Variants in PTPRD observed in about 807,000 individuals in gnomAD.
PTPRD encodes receptor-type tyrosine-protein phosphatase delta.
PTPRD carries 34 observed loss-of-function variants against 214.5 expected under a neutral mutation model. That is an observed-to-expected ratio of 0.16 (90% CI 0.12 to 0.21). PTPRD has a LOEUF of 0.21. Among genes scored for constraint, PTPRD ranks in the 10% least tolerant of loss-of-function variants. The pLI is 1.00. For missense variants in PTPRD, 2,545 were observed against 2,398.7 expected, an observed-to-expected ratio of 1.06 and a Z score of -1.27; for synonymous variants, 1,128 against 845.7, an observed-to-expected ratio of 1.33 and a Z score of -5.79.
At chr9:9,529,268 C>T (rs1446534662) in intron 8 of PTPRD, among the ~76,000 whole-genome samples, 1 of 132,874 alleles carries the variant, frequency 7.5e-6, no homozygotes, top group African/African-American at 2.8e-5. Flanking sequence ...CTAAAAACTC[C>T]AAACAAAAAA....
At chr9:9,210,692 G>C (rs1467398736) in intron 9 of PTPRD, among the ~76,000 whole-genome samples, 6 of 151,914 alleles carry the variant, frequency 3.9e-5, no homozygotes, top group African/African-American at 1.5e-4. Context: ...CCACATACAT[G>C]TGCCACATGT....
intron 8 of PTPRD, among the ~76,000 whole-genome samples, chr9:9,492,326 T>TAAA (rs67958740): frequency 0.081 from 10,866 of 134,606 alleles, 488 homozygotes; most frequent in South Asian, 0.13. Context: ...TTACTAAACA[T>TAAA]AAAAAAAAAA....
chr9:10,402,053 G>T (rs2098277810), intron 2 of PTPRD, among the ~76,000 whole-genome samples: 1 of 151,500 alleles, frequency 6.6e-6, no homozygotes, highest in Non-Finnish European at 1.5e-5. Flanking sequence ...TTTAAAATCA[G>T]AGTAAAATGA....
In PTPRD at chr9:9,525,019, G is replaced by A. The variant is rs111344279; in HGVS notation, c.-237+49713C>T. 2.0e-3 allele frequency among the ~76,000 whole-genome samples: 306 copies of A among 152,176 alleles called. 1 individual carries two copies. The highest frequency in any genetic ancestry group is 6.5e-3 in the African/African-American group (271 of 41,518). On this transcript the variant is annotated intron_variant, in intron 8 of 45. Transcript: ENST00000381196. ...ACTACAGGCGCCCGCCACCACGCCC[G>A]GCTAATTTTTTGTATTTTTAGTAGA... is the stretch of plus-strand genomic sequence containing the variant.
intron 8 of PTPRD, among the ~76,000 whole-genome samples, chr9:9,520,165 T>C (rs915444069): frequency 2.6e-5 from 4 of 151,608 alleles, no homozygotes; most frequent in Admixed American, 2.6e-4. Context: ...ACAGGGTTTC[T>C]GTTGAAATGT....
intron 2 of PTPRD, among the ~76,000 whole-genome samples, chr9:10,485,038 TG>T (rs1459424064): frequency 2.0e-5 from 3 of 151,142 alleles, no homozygotes; most frequent in African/African-American, 7.3e-5. Flanking sequence ...ATTTTTTTTT[TG>T]CATATGAAAG....
At chr9:10,029,987 T>C (rs2097023768) in intron 4 of PTPRD, among the ~76,000 whole-genome samples, 1 of 152,104 alleles carries the variant, frequency 6.6e-6, no homozygotes, top group African/African-American at 2.4e-5. Context: ...TGATAGTAAA[T>C]AAGTCTCATA....
intron 2 of PTPRD, among the ~76,000 whole-genome samples, chr9:10,517,162 T>C (rs2050412161): frequency 6.6e-6 from 1 of 152,044 alleles, no homozygotes; most frequent in African/African-American, 2.4e-5. Context: ...TTAGGTAGTA[T>C]AGACATGTAA....
At chr9:9,505,523 C>T (rs978102592) in intron 8 of PTPRD, among the ~76,000 whole-genome samples, 2 of 151,338 alleles carry the variant, frequency 1.3e-5, no homozygotes, top group East Asian at 1.9e-4. Flanking sequence ...GTGTAGCTGT[C>T]ATTATTATTT....
intron 9 of PTPRD, among the ~76,000 whole-genome samples, chr9:9,311,798 T>C (rs964420716): frequency 6.6e-6 from 1 of 152,144 alleles, no homozygotes; most frequent in Non-Finnish European, 1.5e-5. Context: ...CTGAAACCAA[T>C]TGACCTGTAC....
At chr9:8,770,268 A>G (rs777651265) in intron 11 of PTPRD, among the ~76,000 whole-genome samples, 1 of 152,080 alleles carries the variant, frequency 6.6e-6, no homozygotes, top group Non-Finnish European at 1.5e-5. Context: ...TGGATGACAG[A>G]GCTAGATTCC....
chr9:9,206,571 A>G (rs1036801194), intron 9 of PTPRD, among the ~76,000 whole-genome samples: 27 of 152,168 alleles, frequency 1.8e-4, no homozygotes, highest in African/African-American at 6.0e-4. Flanking sequence ...CTCACCCTCA[A>G]TGTGGGTGGG....
intron 14 of PTPRD, among the ~76,000 whole-genome samples, chr9:8,632,178 C>G (rs190246639): frequency 2.0e-5 from 3 of 149,422 alleles, no homozygotes; most frequent in Non-Finnish European, 3.0e-5. Flanking sequence ...GTTTCAAAAC[C>G]ACCAGGTAAA....
In PTPRD at chr9:9,819,249, G is replaced by A. The variant is rs142473977; in HGVS notation, c.-367-52398C>T. 2.3e-4 allele frequency among the ~76,000 whole-genome samples: 35 copies of A among 151,990 alleles called. 1 individual carries two copies. The highest frequency in any genetic ancestry group is 2.1e-3 in the Admixed American group (32 of 15,232). ...TGATGTTGAGTTTGGCTGGAGTATC[G>A]GCAGAAATTACAGGTCTCTATAACG... On this transcript the variant is annotated intron_variant, in intron 5 of 45. Coordinates refer to ENST00000381196, the MANE Select transcript of PTPRD (RefSeq NM_002839.4).
rs912238434 is a variant in PTPRD at position 9,902,945 on chromosome 9, A to G, written c.-368+35562T>C. Among the ~76,000 whole-genome samples, 4 of 152,294 alleles carry G rather than the reference A, an allele frequency of 2.6e-5. No homozygotes were observed. In the East Asian group the frequency reaches 7.7e-4, roughly 29 times the overall value. On this transcript the variant is annotated intron_variant, in intron 5 of 45. Coordinates refer to ENST00000381196, the MANE Select transcript of PTPRD (RefSeq NM_002839.4). ...GTGACGTTGGCTAACAGTGAAAATA[A>G]AACTGTAGCTCACTCTAATTCTGCC...
intron 3 of PTPRD, among the ~76,000 whole-genome samples, chr9:10,278,157 A>AAAAAC (rs2094840367): frequency 6.6e-6 from 1 of 152,136 alleles, no homozygotes; most frequent in African/African-American, 2.4e-5. Context: ...CTCTGTCTCA[A>AAAAAC]AAAACAAAAC....
chr9:10,536,719 G>A (rs10959156), intron 2 of PTPRD, among the ~76,000 whole-genome samples: 27,479 of 151,872 alleles, frequency 0.18, 2,963 homozygotes, highest in Admixed American at 0.27. Flanking sequence ...ACTGGCCCAG[G>A]GAACACTGCA....
chr9:9,507,258 C>A (rs752264436), intron 8 of PTPRD, among the ~76,000 whole-genome samples: 1 of 151,122 alleles, frequency 6.6e-6, no homozygotes, highest in Non-Finnish European at 1.5e-5. Context: ...ATTAATTTAT[C>A]TATCTATATT....
intron 2 of PTPRD, among the ~76,000 whole-genome samples, chr9:10,571,446 T>A (rs1036752256): frequency 6.6e-6 from 1 of 152,160 alleles, no homozygotes; most frequent in African/African-American, 2.4e-5. Context: ...TGTTAAATTT[T>A]AATGGTTTCC....
Sources: allele counts gnomAD v4.1 joint callset (sites outside exome capture counted in the v4.1 genomes callset), GRCh38; gene constraint gnomAD v4.1.1; transcripts MANE v1.5; gene names NCBI Gene and HGNC (gene_info 2026-07-23, HGNC 2026-07-21).